The following AGAP1 variants were observed in gnomAD, a reference collection of about 807,000 sequenced individuals.
AGAP1 encodes arf-GAP with GTPase, ANK repeat and PH domain-containing protein 1.
AGAP1 carries 29 observed loss-of-function variants against 105.3 expected under a neutral mutation model. That is an observed-to-expected ratio of 0.28 (90% confidence interval 0.21 to 0.38). The LOEUF (loss-of-function observed/expected upper bound fraction) is 0.38. AGAP1 is among the 10% of genes least tolerant of loss of function. The probability of loss-of-function intolerance (pLI) is 1.00; values close to 1 mark genes in which losing one functional copy is unlikely to be tolerated. For missense variants in AGAP1, 998 were observed against 1,165.1 expected (o/e 0.86, Z 2.09); for synonymous variants, 509 against 485.9 (o/e 1.05, Z -0.63).
At chr2:235,763,079 C>T (rs575347721) in intron 6 of AGAP1, among the ~76,000 whole-genome samples, 2 of 89,820 alleles carry the variant, frequency 2.2e-5, no homozygotes, top group Admixed American at 1.7e-4. Context: ...CACACGTGCA[C>T]CTGCCGTGTT....
At position 235,845,880 on chromosome 2, in the gene AGAP1, A is replaced by T. The variant is rs990318414; in HGVS notation, c.1051-37465A>T. Among the ~76,000 whole-genome samples, 2 of 151,914 alleles carry T rather than the reference A, an allele frequency of 1.3e-5. No individual in the cohort carries two copies. Among genetic ancestry groups the T allele is most frequent in the Admixed American group, 6.6e-5 (1 of 15,262 alleles). Reference sequence around the variant, plus strand: ...GCCTCCTCACTGGTTTCCAACCTTCAGTCTGTAGCCCTCAGATATGCCCTC... The same window carrying T: ...GCCTCCTCACTGGTTTCCAACCTTCTGTCTGTAGCCCTCAGATATGCCCTC... On this transcript the variant is annotated intron_variant, in intron 9 of 17. Transcript: ENST00000304032. The surrounding 1 kb of genome is among the most constrained non-coding windows in gnomAD (Gnocchi z 4.8).
At chr2:235,945,834 G>A (rs1000164098) in intron 12 of AGAP1, among the ~76,000 whole-genome samples, 3 of 150,008 alleles carry the variant, frequency 2.0e-5, no homozygotes, top group Admixed American at 6.7e-5. Context: ...GGGGTGCCTC[G>A]GGAAACTTAC....
At chr2:235,890,941 T>TAAAAAAAAAAAAAA (rs1317795274) in intron 10 of AGAP1, among the ~76,000 whole-genome samples, 1 of 56,820 alleles carries the variant, frequency 1.8e-5, no homozygotes, top group East Asian at 9.8e-4. Flanking sequence ...AAACTGAGGC[T>TAAAAAAAAAAAAAA]CAAAAAAAAA....
rs5839611 is a variant in AGAP1, at chr2:235,889,546, CTTTTTTTTT to C, written c.1155+6105_1155+6113del. ...CGTCATCCCCCAAAAGTGTCTTTGC[CTTTTTTTTT>C]TTTTTTTAGCCCTGAGCCCCAAGCT... On this transcript the variant is annotated intron_variant, in intron 10 of 17. Transcript: ENST00000304032. This position sits in a 1 kb window ranked among gnomAD's most constrained non-coding sequence, Gnocchi z 4.6. Among the ~76,000 whole-genome samples the C allele has an allele frequency of 1.4e-5, 2 of 140,978 alleles. No individual in the cohort carries two copies. The highest frequency in any genetic ancestry group is 5.3e-5 in the African/African-American group (2 of 38,034). The allele number at this position is 140,978 out of a possible 152,430, so 92.5% of individuals were successfully genotyped here.
intron 9 of AGAP1, among the ~76,000 whole-genome samples, chr2:235,852,308 C>T (rs1288060773): frequency 2.6e-5 from 4 of 152,156 alleles, no homozygotes; most frequent in Non-Finnish European, 2.9e-5. Context: ...TGCATAATGC[C>T]TATTGTCTGC....
At position 235,961,273 on chromosome 2, in the gene AGAP1, C is replaced by T. The variant is rs2054174166; in HGVS notation, c.1484-7189C>T. On this transcript the variant is annotated intron_variant, in intron 12 of 17. Coordinates refer to ENST00000304032, the MANE Select transcript of AGAP1 (RefSeq NM_001037131.3). The surrounding 1 kb of genome is among the most constrained non-coding windows in gnomAD (Gnocchi z 5.9). The stretch of plus-strand genomic sequence containing the variant: ...GGGAAGGCCTCTCTTGGGGCTTCCT[C>T]CTTTGGCTCCTGGAGTCTAAAACTT... Among the ~76,000 whole-genome samples, 1 of 152,218 alleles carries T rather than the reference C, an allele frequency of 6.6e-6. No homozygotes were observed. The highest frequency in any genetic ancestry group is 2.1e-4 in the South Asian group (1 of 4,834).
At position 235,555,459 on chromosome 2, in the gene AGAP1, A is replaced by G. The variant is rs898698614; in HGVS notation, c.163+60610A>G. Reference sequence around the variant, plus strand: ...CTCAGGGAATAGGCATGTGGGGCACACTCTCCAGGCACATCCAGGGCTGGA... The same window carrying G: ...CTCAGGGAATAGGCATGTGGGGCACGCTCTCCAGGCACATCCAGGGCTGGA... On this transcript the variant is annotated intron_variant, in intron 1 of 17. Transcript: ENST00000304032. This position sits in a 1 kb window ranked among gnomAD's most constrained non-coding sequence, Gnocchi z 5.1. Among the ~76,000 whole-genome samples, 2 of 151,896 alleles carry G rather than the reference A, an allele frequency of 1.3e-5. No individual in the cohort carries two copies. The highest frequency in any genetic ancestry group is 1.5e-5 in the Non-Finnish European group (1 of 67,964).
At chr2:235,669,998 G>A (rs1294914799) in intron 1 of AGAP1, 11 of 292,296 alleles carry the variant, frequency 3.8e-5, no homozygotes, top group East Asian at 5.8e-5. Context: ...TCAGCGGGGG[G>A]CGTGGGCCAC....
In AGAP1 at chr2:236,083,328, T is replaced by C. The variant is rs1049743311; in HGVS notation, c.2114+34047T>C. Reference sequence around the variant, plus strand: ...CTCGGTTTGTTGCAAGGAAGCGTCGTCCTCCTCACGGGCTCTTTACGTTGA... The same window carrying C: ...CTCGGTTTGTTGCAAGGAAGCGTCGCCCTCCTCACGGGCTCTTTACGTTGA... On this transcript the variant is annotated intron_variant, in intron 16 of 17. Transcript: ENST00000304032. The surrounding 1 kb of genome is among the most constrained non-coding windows in gnomAD (Gnocchi z 5.3). 6.6e-6 allele frequency among the ~76,000 whole-genome samples: 1 copy of C among 152,118 alleles called. No individual in the cohort carries two copies. The highest frequency in any genetic ancestry group is 1.5e-5 in the Non-Finnish European group (1 of 68,036).
rs931764615 is a variant in AGAP1, at chr2:235,930,520, C to T, written c.1325-245C>T. On this transcript the variant is annotated intron_variant, in intron 11 of 17. Transcript: ENST00000304032. The surrounding 1 kb of genome is among the most constrained non-coding windows in gnomAD (Gnocchi z 7.9). ...CGTCTTTGTATAGGGTTGTTCGGTG[C>T]GAGCCATCTGTGGCATCGGGTCCCT... 5.9e-5 allele frequency among the ~76,000 whole-genome samples: 9 copies of T among 152,168 alleles called. No individual in the cohort carries two copies. Among genetic ancestry groups the T allele is most frequent in the African/African-American group, 1.9e-4 (8 of 41,442 alleles).
rs2049092576 is a variant in AGAP1, at chr2:235,864,993, A to G, written c.1051-18352A>G. ...TAAAAGGGAAGGAGAGAAACACAAC[A>G]AACTTTTTATTTCTTTCCCTGTCAT... On this transcript the variant is annotated intron_variant, in intron 9 of 17. Transcript: ENST00000304032. This position sits in a 1 kb window ranked among gnomAD's most constrained non-coding sequence, Gnocchi z 5.0. Among the ~76,000 whole-genome samples the G allele has an allele frequency of 6.6e-6, 1 of 152,156 alleles. No homozygotes were observed. The highest frequency in any genetic ancestry group is 1.5e-5 in the Non-Finnish European group (1 of 68,032).
intron 9 of AGAP1, among the ~76,000 whole-genome samples, chr2:235,819,681 C>T (rs918109522): frequency 6.6e-6 from 1 of 151,930 alleles, no homozygotes; most frequent in African/African-American, 2.4e-5. Flanking sequence ...GATGCCCGTC[C>T]GATCTTGGGA....
chr2:236,086,148 T>C (rs182050150), intron 16 of AGAP1, among the ~76,000 whole-genome samples: 5 of 152,378 alleles, frequency 3.3e-5, no homozygotes, highest in Admixed American at 3.3e-4. Context: ...ATAATTGGAT[T>C]CTAAATTCTA....
chr2:235,651,773 T>C (rs1947603225), intron 1 of AGAP1, among the ~76,000 whole-genome samples: 1 of 152,226 alleles, frequency 6.6e-6, no homozygotes, highest in Non-Finnish European at 1.5e-5. Context: ...TCAGGAATTG[T>C]GCTTCTAGGA....
At chr2:235,819,320 G>A (rs1195572570) in intron 9 of AGAP1, among the ~76,000 whole-genome samples, 2 of 151,474 alleles carry the variant, frequency 1.3e-5, no homozygotes, top group African/African-American at 4.9e-5. Flanking sequence ...TTGCCATGTT[G>A]CCCAGGCTGG....
chr2:236,057,309 G>T (rs374961142), intron 16 of AGAP1, among the ~76,000 whole-genome samples: 3 of 152,086 alleles, frequency 2.0e-5, no homozygotes, highest in Non-Finnish European at 4.4e-5. Flanking sequence ...GGGTTTCAAC[G>T]TGTTAGCCAG....
At chr2:235,676,881 T>C (rs1948769006) in intron 1 of AGAP1, among the ~76,000 whole-genome samples, 1 of 152,244 alleles carries the variant, frequency 6.6e-6, no homozygotes, top group South Asian at 2.1e-4. Flanking sequence ...GCTGCACTCA[T>C]GTCGCCAGGT....
intron 1 of AGAP1, among the ~76,000 whole-genome samples, chr2:235,504,198 A>G (rs559470497): frequency 1.3e-5 from 2 of 152,210 alleles, no homozygotes; most frequent in South Asian, 4.1e-4. Context: ...GTCATAAAGG[A>G]GAAAGTTTTC....
rs144537116 is a variant in AGAP1, at chr2:235,967,652, G to A, written c.1484-810G>A. Among the ~76,000 whole-genome samples, 9 of 152,200 alleles carry A rather than the reference G, an allele frequency of 5.9e-5. No homozygotes were observed. Among genetic ancestry groups the A allele is most frequent in the East Asian group, 1.9e-4 (1 of 5,202 alleles). The stretch of plus-strand genomic sequence containing the variant: ...TCGTGAAATAAAAACTTTTCAAGAC[G>A]CCGTAGGCATGCACCACCTGTTTTT... On this transcript the variant is annotated intron_variant, in intron 12 of 17. Coordinates refer to ENST00000304032, the MANE Select transcript of AGAP1 (RefSeq NM_001037131.3). This position sits in a 1 kb window ranked among gnomAD's most constrained non-coding sequence, Gnocchi z 4.7.
Sources: allele counts gnomAD v4.1 joint callset (sites outside exome capture counted in the v4.1 genomes callset), GRCh38; gene constraint gnomAD v4.1.1; non-coding constraint Gnocchi (gnomAD v3.1); transcripts MANE v1.5; gene names NCBI Gene and HGNC (gene_info 2026-07-23, HGNC 2026-07-21).